Variants in HIP1 observed in about 807,000 individuals in gnomAD.
HIP1 encodes the protein huntingtin-interacting protein 1.
In HIP1, 65 loss-of-function variants were observed where a neutral mutation model predicts 147.6. That is an observed-to-expected ratio of 0.44 (90% confidence interval 0.36 to 0.54). The LOEUF (loss-of-function observed/expected upper bound fraction) is 0.54, where lower values mean the gene tolerates loss of function less well. HIP1 is among the 20% of genes least tolerant of loss of function. The probability of loss-of-function intolerance (pLI) is 0.00; values close to 1 mark genes in which losing one functional copy is unlikely to be tolerated. For synonymous variants in HIP1, 479 were observed against 504.0 expected, an observed-to-expected ratio of 0.95 and a Z score of 0.67; for missense variants, 1,061 against 1,299.6, an observed-to-expected ratio of 0.82 and a Z score of 2.82.
intron 1 of HIP1, among the ~76,000 whole-genome samples, chr7:75,615,169 C>T (rs1797608975): frequency 1.3e-5 from 2 of 152,170 alleles, no homozygotes; most frequent in South Asian, 4.1e-4. Context: ...GGGCCTTTCA[C>T]AGACAGTTGT....
chr7:75,706,303 G>C (rs1482298486), intron 1 of HIP1, among the ~76,000 whole-genome samples: 1 of 151,924 alleles, frequency 6.6e-6, no homozygotes, highest in Non-Finnish European at 1.5e-5. Context: ...ATCCTCACCA[G>C]TACTTGTTAT....
chr7:75,664,466 G>GTA (rs1563279536), intron 1 of HIP1, among the ~76,000 whole-genome samples: 1 of 86,204 alleles, frequency 1.2e-5, no homozygotes, highest in Non-Finnish European at 2.3e-5. Context: ...ATATGTGTGT[G>GTA]TGTATACGTA....
intron 1 of HIP1, among the ~76,000 whole-genome samples, chr7:75,681,671 T>C (rs556818561): frequency 3.3e-5 from 5 of 151,922 alleles, no homozygotes; most frequent in Admixed American, 1.3e-4. Context: ...CACGCATGGC[T>C]AATTTTTTAT....
intron 11 of HIP1, 33 bp from the exon 12 acceptor site, chr7:75,562,203 C>CA (rs782584014): frequency 6.6e-5 from 92 of 1,385,820 alleles, no homozygotes; most frequent in Non-Finnish European, 8.8e-5. Flanking sequence ...GAGAATAAGT[C>CA]AGAGAGCCAG....
intron 1 of HIP1, among the ~76,000 whole-genome samples, chr7:75,691,791 AAAAC>A (rs781848352): frequency 2.0e-5 from 3 of 152,150 alleles, no homozygotes; most frequent in East Asian, 1.9e-4. Flanking sequence ...TCCGTCTCAA[AAAAC>A]AAACAAACAA....
At chr7:75,611,647 G>A in intron 1 of HIP1, 2 of 1,019,882 alleles carry the variant, frequency 2.0e-6, no homozygotes, top group Non-Finnish European at 2.4e-6. Flanking sequence ...GGCGGGCAGT[G>A]CGGGGCTGGG....
intron 5 of HIP1, among the ~76,000 whole-genome samples, chr7:75,584,545 C>T (rs1472133627): frequency 2.0e-5 from 3 of 152,306 alleles, no homozygotes; most frequent in African/African-American, 7.2e-5. Flanking sequence ...GCATCCTCTT[C>T]GACCCCAGTT....
intron 1 of HIP1, among the ~76,000 whole-genome samples, chr7:75,660,093 T>G (rs782784785): frequency 6.6e-6 from 1 of 151,236 alleles, no homozygotes; most frequent in Non-Finnish European, 1.5e-5. Context: ...GCCATTGTAC[T>G]CCAGCCTGGC....
In HIP1 at chr7:75,538,735, A is replaced by T. The variant is rs377387611; in HGVS notation, c.3062-511T>A. ...GACTACAGGCGCCCACCACCACGCC[A>T]GGCTAATTTTTTGTATTTTTAGTAG... On this transcript the variant is annotated intron_variant, in intron 30 of 30. Transcript: ENST00000336926. Among the ~76,000 whole-genome samples the T allele has an allele frequency of 1.7e-3, 246 of 142,520 alleles. 2 individuals are homozygous for T. The East Asian group carries it at 0.034, about 20-fold the overall frequency. 93.5% of individuals were successfully genotyped at this position (142,520 alleles called of 152,430 possible).
rs1794866659 is a variant in HIP1, at chr7:75,553,467, T to C, written c.2281A>G (p.Lys761Glu). 1 of 1,614,122 alleles carries C rather than the reference T, an allele frequency of 6.2e-7. No individual in the cohort carries two copies. The highest frequency in any genetic ancestry group is 8.5e-7 in the Non-Finnish European group (1 of 1,180,008). Residue 761 changes from lysine to glutamate, a missense_variant, in exon 22 of 31, where the codon AAG becomes GAG. This residue lies in a region of HIP1 where 810 missense variants were observed against 946.8 expected (regional missense o/e 0.86). Transcript: ENST00000336926. The stretch of plus-strand genomic sequence containing the variant: ...ACTCCAAGTACCTCGCCGATGGCCT[T>C]GATCTTGCTCAGGCAGTTCCTCATG... ...TAMRNCLSKI[K>E]AIGEELLPRG...
intron 1 of HIP1, among the ~76,000 whole-genome samples, chr7:75,631,309 C>G (rs1227665934): frequency 6.6e-6 from 1 of 152,120 alleles, no homozygotes; most frequent in East Asian, 1.9e-4. Flanking sequence ...CTTGACAGTG[C>G]TGCAAGTCTG....
intron 7 of HIP1, among the ~76,000 whole-genome samples, chr7:75,578,727 T>C (rs1321034092): frequency 6.6e-6 from 1 of 152,138 alleles, no homozygotes; most frequent in Non-Finnish European, 1.5e-5. Context: ...AATTCTGAAT[T>C]ATCCACATAC....
rs587663624 is a variant in HIP1 at position 75,597,135 on chromosome 7, T to C, written c.184+2049A>G. Reference sequence around the variant, plus strand: ...TTCTGGGGAAAAAAAGAGCAAGATCTAGCTAGGCTCGCACAGGGCTGGACT... The same window carrying C: ...TTCTGGGGAAAAAAAGAGCAAGATCCAGCTAGGCTCGCACAGGGCTGGACT... On this transcript the variant is annotated intron_variant, in intron 2 of 30. Coordinates refer to ENST00000336926, the MANE Select transcript of HIP1 (RefSeq NM_005338.7). 4.6e-5 allele frequency among the ~76,000 whole-genome samples: 7 copies of C among 152,286 alleles called. No individual in the cohort carries two copies. In the South Asian group the frequency reaches 1.4e-3, roughly 32 times the overall value.
At chr7:75,613,797 C>T (rs1405162527) in intron 1 of HIP1, among the ~76,000 whole-genome samples, 2 of 152,220 alleles carry the variant, frequency 1.3e-5, no homozygotes, top group Non-Finnish European at 2.9e-5. Flanking sequence ...GCAAACGTGG[C>T]TCACTACAGC....
At chr7:75,737,145 C>G (rs1406169710) in intron 1 of HIP1, among the ~76,000 whole-genome samples, 1 of 152,072 alleles carries the variant, frequency 6.6e-6, no homozygotes, top group Non-Finnish European at 1.5e-5. Flanking sequence ...AGGCAGGTAT[C>G]GAACTCCTGG....
intron 29 of HIP1, 50 bp downstream of exon 29, chr7:75,541,869 T>C: frequency 7.6e-7 from 1 of 1,315,490 alleles, no homozygotes; most frequent in Non-Finnish European, 1.1e-6. Flanking sequence ...ATATTCAGAG[T>C]CCATGTCTAG....
chr7:75,708,312 T>C (rs764738605), intron 1 of HIP1, among the ~76,000 whole-genome samples: 21 of 152,212 alleles, frequency 1.4e-4, no homozygotes, highest in Non-Finnish European at 2.8e-4. Context: ...CCTTTTTTAA[T>C]GTTGATAGTG....
chr7:75,679,407 T>C (rs572703982), intron 1 of HIP1, among the ~76,000 whole-genome samples: 1 of 152,316 alleles, frequency 6.6e-6, no homozygotes, highest in South Asian at 2.1e-4. Context: ...TTTCAATATG[T>C]TGCCCAGGTT....
intron 3 of HIP1, 73 bp downstream of exon 3, chr7:75,592,298 CT>C (rs1796524483): frequency 2.6e-6 from 4 of 1,533,898 alleles, no homozygotes; most frequent in Non-Finnish European, 3.5e-6. Context: ...GGACAGCAGC[CT>C]CTGTGGCCCA....
Sources: gnomAD v4.1 joint callset for allele counts (sites outside exome capture counted in the v4.1 genomes callset) on GRCh38, gnomAD v4.1.1 for gene constraint, gnomAD v4.1.1 regional missense constraint, MANE v1.5 for transcripts, NCBI Gene and HGNC (gene_info 2026-07-23, HGNC 2026-07-21) for gene names.